Variants in PAG1 observed in about 807,000 individuals in gnomAD.
PAG1 encodes the protein phosphoprotein membrane anchor with glycosphingolipid microdomains 1.
A neutral mutation model predicts 31.7 loss-of-function variants in PAG1; 23 were observed. The observed-to-expected ratio is 0.73, with a 90% CI of 0.52 to 1.03. PAG1 has a LOEUF of 1.03. Ranked by LOEUF, PAG1 falls within the 50% of genes least tolerant of loss-of-function variation. The pLI is 0.00. For synonymous variants in PAG1, 214 were observed against 210.3 expected (o/e 1.02, Z -0.15); for missense variants, 473 against 540.7 (o/e 0.87, Z 1.24).
At chr8:81,052,479 G>T (rs1320468364) in intron 2 of PAG1, among the ~76,000 whole-genome samples, 1 of 152,110 alleles carries the variant, frequency 6.6e-6, no homozygotes, top group African/African-American at 2.4e-5. Context: ...GACTGATGGT[G>T]GGTGGCATTT....
At chr8:81,041,806 C>T (rs1808558814) in intron 2 of PAG1, among the ~76,000 whole-genome samples, 1 of 152,160 alleles carries the variant, frequency 6.6e-6, no homozygotes, top group Admixed American at 6.5e-5. Flanking sequence ...CCAGGAAATA[C>T]CTCAGAGTCT....
intron 3 of PAG1, among the ~76,000 whole-genome samples, chr8:80,996,189 C>T (rs888903425): frequency 1.3e-5 from 2 of 152,244 alleles, no homozygotes; most frequent in Admixed American, 6.5e-5. Flanking sequence ...CTGTGGGACA[C>T]CAGTCCCCGT....
intron 3 of PAG1, among the ~76,000 whole-genome samples, chr8:81,017,830 G>A (rs550602294): frequency 2.0e-5 from 3 of 152,252 alleles, no homozygotes; most frequent in African/African-American, 7.2e-5. Context: ...GGGTATACCT[G>A]CACATGGGAA....
chr8:81,104,526 C>G (rs1039500997), intron 1 of PAG1, among the ~76,000 whole-genome samples: 2 of 152,116 alleles, frequency 1.3e-5, no homozygotes, highest in Non-Finnish European at 2.9e-5. Flanking sequence ...GGCTGTACAA[C>G]TGCCAATTGC....
At chr8:81,042,768 A>G (rs553502796) in intron 2 of PAG1, among the ~76,000 whole-genome samples, 1 of 152,220 alleles carries the variant, frequency 6.6e-6, no homozygotes, top group African/African-American at 2.4e-5. Context: ...CCCATTTCAG[A>G]GATAAGTACC....
At chr8:81,040,426 T>C (rs1808534500) in intron 2 of PAG1, among the ~76,000 whole-genome samples, 1 of 152,166 alleles carries the variant, frequency 6.6e-6, no homozygotes, top group South Asian at 2.1e-4. Context: ...CTACCTGTGC[T>C]TCTTCCCCTA....
chr8:81,091,105 T>C (rs1055192940), intron 1 of PAG1, among the ~76,000 whole-genome samples: 1 of 152,172 alleles, frequency 6.6e-6, no homozygotes, highest in African/African-American at 2.4e-5. Flanking sequence ...CAATATTTAA[T>C]AGATAGAGCA....
At position 81,018,378 on chromosome 8, in the gene PAG1, C is replaced by T. The variant is rs572962143; in HGVS notation, c.-81+11618G>A. On this transcript the variant is annotated intron_variant, in intron 3 of 8. Transcript: ENST00000220597. ...TTTAATATTTTAATATGATTTTGAG[C>T]TCAGATTCAACATGGGTATTTCAAA... 6.6e-5 allele frequency among the ~76,000 whole-genome samples: 10 copies of T among 152,172 alleles called. 1 individual carries two copies. Among genetic ancestry groups the T allele is most frequent in the Admixed American group, 4.6e-4 (7 of 15,280 alleles).
chr8:80,976,960 T>A, intron 8 of PAG1, 54 bp from the exon 9 acceptor site: 5 of 1,529,380 alleles, frequency 3.3e-6, no homozygotes, highest in Non-Finnish European at 4.4e-6. Context: ...TCCCCCTCCC[T>A]CTTTTTAGTG....
At chr8:81,104,783 AG>A (rs1211882114) in intron 1 of PAG1, among the ~76,000 whole-genome samples, 1 of 152,042 alleles carries the variant, frequency 6.6e-6, no homozygotes, top group Admixed American at 6.6e-5. Flanking sequence ...AGTATTCAAA[AG>A]CTTTTTTTGC....
intron 2 of PAG1, among the ~76,000 whole-genome samples, chr8:81,047,551 G>A (rs1000302546): frequency 5.9e-5 from 9 of 152,130 alleles, no homozygotes; most frequent in African/African-American, 2.2e-4. Flanking sequence ...AGAAACAGAA[G>A]CCTTTAAAAT....
intron 6 of PAG1, among the ~76,000 whole-genome samples, chr8:80,986,913 C>A (rs1252681420): frequency 6.6e-6 from 1 of 152,086 alleles, no homozygotes; most frequent in Non-Finnish European, 1.5e-5. Context: ...GATTTTAGCC[C>A]AGTGAGACCC....
At chr8:81,056,318 T>C (rs1272369200) in intron 2 of PAG1, among the ~76,000 whole-genome samples, 4 of 152,116 alleles carry the variant, frequency 2.6e-5, no homozygotes, top group Non-Finnish European at 5.9e-5. Context: ...GACTTCAAAC[T>C]ATACTACGAG....
intron 8 of PAG1, among the ~76,000 whole-genome samples, chr8:80,979,339 G>A (rs974109282): frequency 6.6e-6 from 1 of 152,224 alleles, no homozygotes; most frequent in Non-Finnish European, 1.5e-5. Context: ...AGCAGGAGGG[G>A]ACTGCTCTGG....
At position 81,089,242 on chromosome 8, in the gene PAG1, C is replaced by T. The variant is rs368092221; in HGVS notation, c.-233-19072G>A. Among the ~76,000 whole-genome samples the T allele has an allele frequency of 8.5e-5, 13 of 152,236 alleles. 2 individuals carry two copies. Among genetic ancestry groups the T allele is most frequent in the Admixed American group, 3.3e-4 (5 of 15,286 alleles). On this transcript the variant is annotated intron_variant, in intron 1 of 8. Coordinates refer to ENST00000220597, the MANE Select transcript of PAG1 (RefSeq NM_018440.4). ...GGCACTGTGGAGGGACTCAGGCAGA[C>T]GCTGTGCATGCAGTGGGTTTGTATC...
rs574514349 is a variant in PAG1 at position 81,012,406 on chromosome 8, T to C, written c.-81+17590A>G. Among the ~76,000 whole-genome samples the C allele has an allele frequency of 6.6e-5, 10 of 152,342 alleles. No homozygotes were observed. The East Asian group carries it at 1.9e-3, about 29-fold the overall frequency. Reference sequence around the variant, plus strand: ...ATTCAGTATCTTCAGTATTTCAGATTGCCATTCAGCATAGAAAAGTATATT... The same window carrying C: ...ATTCAGTATCTTCAGTATTTCAGATCGCCATTCAGCATAGAAAAGTATATT... On this transcript the variant is annotated intron_variant, in intron 3 of 8. Transcript: ENST00000220597.
intron 3 of PAG1, among the ~76,000 whole-genome samples, chr8:81,008,417 T>C (rs1586161897): frequency 6.6e-6 from 1 of 152,052 alleles, no homozygotes; most frequent in East Asian, 1.9e-4. Context: ...TAGCCACTTA[T>C]CTATCATACG....
At chr8:81,020,516 C>A (rs1192289171) in intron 3 of PAG1, among the ~76,000 whole-genome samples, 2 of 152,248 alleles carry the variant, frequency 1.3e-5, no homozygotes, top group Admixed American at 1.3e-4. Context: ...AGTTCCCCTG[C>A]ACAAGCTCTC....
At chr8:81,087,399 G>C (rs1809377587) in intron 1 of PAG1, among the ~76,000 whole-genome samples, 2 of 151,332 alleles carry the variant, frequency 1.3e-5, no homozygotes, top group African/African-American at 4.9e-5. Context: ...GACTACATGT[G>C]CCCTTGTAAC....
Sources: gnomAD v4.1 joint callset for allele counts (sites outside exome capture counted in the v4.1 genomes callset) on GRCh38, gnomAD v4.1.1 for gene constraint, MANE v1.5 for transcripts, NCBI Gene and HGNC (gene_info 2026-07-23, HGNC 2026-07-21) for gene names.